Variants in HAT1 observed in about 807,000 individuals in gnomAD.
The protein encoded by HAT1 is histone acetyltransferase 1, also known as histone acetyltransferase type B catalytic subunit.
Under a neutral mutation model 56.6 loss-of-function variants are expected in HAT1, and 20 were observed. The ratio of observed to expected loss-of-function variants is 0.35; its 90% CI spans 0.25 to 0.51. The LOEUF is 0.51. Among genes scored for constraint, HAT1 ranks in the 20% least tolerant of loss-of-function variants. The pLI is 0.95. For missense variants in HAT1, 408 were observed against 504.3 expected (o/e 0.81, Z 1.83); for synonymous variants, 146 against 165.5 (o/e 0.88, Z 0.91).
At chr2:171,953,235 AC>A (rs903346207) in intron 4 of HAT1, among the ~76,000 whole-genome samples, 12 of 151,998 alleles carry the variant, frequency 7.9e-5, no homozygotes, top group Admixed American at 3.3e-4. Flanking sequence ...AATTCCAGCT[AC>A]TCAGGAGGCT....
At chr2:171,948,368 G>C (rs1003848057) in intron 3 of HAT1, among the ~76,000 whole-genome samples, 1 of 152,074 alleles carries the variant, frequency 6.6e-6, no homozygotes, top group African/African-American at 2.4e-5. Context: ...GAGATTACAG[G>C]CGCCCGCCAC....
chr2:171,966,026 A>G, intron 6 of HAT1, 118 bp downstream of exon 6: 5 of 916,474 alleles, frequency 5.5e-6, no homozygotes, highest in South Asian at 1.7e-5. Context: ...AAGAAAAACT[A>G]TTGTTTATGA....
chr2:171,924,179 T>A (rs1202291678), intron 1 of HAT1: 1 of 152,118 alleles, frequency 6.6e-6, no homozygotes, highest in African/African-American at 2.4e-5. Context: ...TATTTTTTGC[T>A]TATGGCTTTT....
intron 2 of HAT1, among the ~76,000 whole-genome samples, chr2:171,929,179 A>G (rs990844217): frequency 1.3e-5 from 2 of 152,210 alleles, no homozygotes; most frequent in Admixed American, 6.5e-5. Context: ...TAGTGGTTGT[A>G]AAGATTAAAT....
chr2:171,926,759 T>G (rs1686604863), intron 2 of HAT1, among the ~76,000 whole-genome samples: 1 of 152,170 alleles, frequency 6.6e-6, no homozygotes. Context: ...AAGTTAAACA[T>G]AAATGAATTA....
At chr2:171,961,311 CA>C (rs1190258083) in intron 4 of HAT1, among the ~76,000 whole-genome samples, 1 of 152,046 alleles carries the variant, frequency 6.6e-6, no homozygotes, top group Admixed American at 6.6e-5. Context: ...GTCTTAAAAA[CA>C]AAAACCTCCT....
At chr2:171,939,710 G>T (rs1686969732) in intron 2 of HAT1, among the ~76,000 whole-genome samples, 1 of 151,948 alleles carries the variant, frequency 6.6e-6, no homozygotes, top group African/African-American at 2.4e-5. Context: ...AAAATGTCAA[G>T]TTCAGGTGAC....
In HAT1 at chr2:171,951,132, C is replaced by T. The variant is rs554799917; in HGVS notation, c.189-1749C>T. Among the ~76,000 whole-genome samples the T allele has an allele frequency of 3.9e-5, 6 of 152,252 alleles. No homozygotes were observed. In the South Asian group the frequency reaches 1.2e-3, roughly 32 times the overall value. Reference sequence around the variant, plus strand: ...GGCCCTTATTGTGTTTTTAAGTCAACAAATGTCTCTTCCTGCAACGAATTT... The same window carrying T: ...GGCCCTTATTGTGTTTTTAAGTCAATAAATGTCTCTTCCTGCAACGAATTT... On this transcript the variant is annotated intron_variant, in intron 3 of 10. Transcript: ENST00000264108.
At chr2:171,955,672 A>T (rs1687421638) in intron 4 of HAT1, among the ~76,000 whole-genome samples, 1 of 152,134 alleles carries the variant, frequency 6.6e-6, no homozygotes, top group Admixed American at 6.5e-5. Context: ...AGGGCTCAGA[A>T]TGAAGCTAGG....
intron 3 of HAT1, among the ~76,000 whole-genome samples, chr2:171,951,585 A>AT (rs35551729): frequency 0.17 from 21,044 of 121,604 alleles, 1,989 homozygotes; most frequent in Non-Finnish European, 0.22. Flanking sequence ...ACACCTGCCT[A>AT]TTTTTTTTTT....
At chr2:171,931,769 T>C (rs1686754184) in intron 2 of HAT1, among the ~76,000 whole-genome samples, 1 of 152,198 alleles carries the variant, frequency 6.6e-6, no homozygotes, top group Admixed American at 6.5e-5. Context: ...CCGTAATTGG[T>C]TGAATCAGTG....
chr2:171,966,990 A>G, intron 8 of HAT1, 41 bp downstream of exon 8: 1 of 846,560 alleles, frequency 1.2e-6, no homozygotes, highest in South Asian at 1.5e-5. Flanking sequence ...GCCTTTCTAA[A>G]AATGTCTTCT....
intron 2 of HAT1, among the ~76,000 whole-genome samples, chr2:171,933,573 T>G (rs1251028174): frequency 6.6e-6 from 1 of 152,154 alleles, no homozygotes; most frequent in Non-Finnish European, 1.5e-5. Context: ...TTGATATAGT[T>G]GCATCCTACC....
At chr2:171,955,815 G>T (rs1248102811) in intron 4 of HAT1, among the ~76,000 whole-genome samples, 1 of 151,820 alleles carries the variant, frequency 6.6e-6, no homozygotes, top group Admixed American at 6.6e-5. Flanking sequence ...GGGAGGCCAG[G>T]GCAGGTGGAT....
intron 2 of HAT1, among the ~76,000 whole-genome samples, chr2:171,930,936 G>A (rs1415117036): frequency 6.6e-6 from 1 of 151,726 alleles, no homozygotes; most frequent in Non-Finnish European, 1.5e-5. Flanking sequence ...TTTTTTAGAT[G>A]TAGATTATTT....
intron 2 of HAT1, among the ~76,000 whole-genome samples, chr2:171,937,523 C>T (rs1266717285): frequency 6.6e-6 from 1 of 152,202 alleles, no homozygotes; most frequent in South Asian, 2.1e-4. Flanking sequence ...AGGACCAAGT[C>T]TTGGAAAATG....
chr2:171,963,426 G>T (rs1448378039), intron 4 of HAT1, among the ~76,000 whole-genome samples: 1 of 152,084 alleles, frequency 6.6e-6, no homozygotes, highest in East Asian at 1.9e-4. Context: ...CACCAAAAGT[G>T]CTACTTGAAA....
chr2:171,949,922 A>T (rs1386411433), intron 3 of HAT1, among the ~76,000 whole-genome samples: 1 of 152,066 alleles, frequency 6.6e-6, no homozygotes, highest in Non-Finnish European at 1.5e-5. Context: ...AGTCTTTCTG[A>T]TATGTCCTTA....
intron 8 of HAT1, among the ~76,000 whole-genome samples, chr2:171,971,432 G>T (rs1183802231): frequency 6.6e-6 from 1 of 152,114 alleles, no homozygotes; most frequent in Non-Finnish European, 1.5e-5. Flanking sequence ...TACACCCGAC[G>T]TCCATTGAGG....
Sources: allele counts gnomAD v4.1 joint callset (sites outside exome capture counted in the v4.1 genomes callset), GRCh38; gene constraint gnomAD v4.1.1; transcripts MANE v1.5; gene names NCBI Gene and HGNC (gene_info 2026-07-23, HGNC 2026-07-21).